Variants in EDC3 observed in about 807,000 individuals in gnomAD.
EDC3 encodes the protein enhancer of mRNA-decapping protein 3.
A neutral mutation model predicts 41.8 loss-of-function variants in EDC3; 20 were observed. The ratio of observed to expected loss-of-function variants is 0.48; its 90% confidence interval spans 0.34 to 0.70. The LOEUF (loss-of-function observed/expected upper bound fraction) is 0.70. EDC3 is among the 30% of genes least tolerant of loss of function. EDC3 has a pLI of 0.01. For synonymous variants in EDC3, 206 were observed against 243.2 expected (o/e 0.85, Z 1.42); for missense variants, 444 against 636.8 (o/e 0.70, Z 3.26).
intron 1 of EDC3, among the ~76,000 whole-genome samples, chr15:74,679,008 TG>T (rs1232267087): frequency 6.7e-6 from 1 of 150,162 alleles, no homozygotes; most frequent in Non-Finnish European, 1.5e-5. Flanking sequence ...CTGGCCAACA[TG>T]GTGAAACCCC....
At chr15:74,633,460 T>TA (rs955458230) in intron 6 of EDC3, among the ~76,000 whole-genome samples, 13 of 152,236 alleles carry the variant, frequency 8.5e-5, no homozygotes, top group African/African-American at 3.1e-4. Flanking sequence ...CTACTCATTC[T>TA]ACTCTAGCAA....
intron 3 of EDC3, among the ~76,000 whole-genome samples, chr15:74,669,331 G>A (rs1175637862): frequency 3.9e-4 from 51 of 132,360 alleles, no homozygotes; most frequent in Non-Finnish European, 5.0e-4. Context: ...CAATAAGAGC[G>A]AAACTCTGTC....
chr15:74,664,117 G>C (rs947096602), intron 3 of EDC3, among the ~76,000 whole-genome samples: 9 of 152,110 alleles, frequency 5.9e-5, no homozygotes, highest in African/African-American at 9.7e-5. Flanking sequence ...TTTCCCAAGA[G>C]GAAATACTGA....
At chr15:74,663,325 A>C (rs2062641982) in intron 3 of EDC3, among the ~76,000 whole-genome samples, 1 of 151,866 alleles carries the variant, frequency 6.6e-6, no homozygotes, top group Non-Finnish European at 1.5e-5. Flanking sequence ...AAATGTAAAG[A>C]AAAAGAAAAA....
At chr15:74,647,665 T>G (rs1416599032) in intron 4 of EDC3, among the ~76,000 whole-genome samples, 2 of 152,152 alleles carry the variant, frequency 1.3e-5, no homozygotes, top group Non-Finnish European at 2.9e-5. Flanking sequence ...GCCCAGGAAC[T>G]CTGAAGGATT....
intron 4 of EDC3, among the ~76,000 whole-genome samples, chr15:74,646,498 T>A (rs745700226): frequency 7.9e-5 from 12 of 152,180 alleles, no homozygotes; most frequent in Non-Finnish European, 1.8e-4. Flanking sequence ...AATCAGGAGC[T>A]ACAGGTAGGA....
intron 1 of EDC3, among the ~76,000 whole-genome samples, chr15:74,688,166 A>G (rs2062960842): frequency 6.6e-6 from 1 of 152,224 alleles, no homozygotes; most frequent in Non-Finnish European, 1.5e-5. Context: ...TATAAAGAAA[A>G]TTATGCTATT....
intron 2 of EDC3, among the ~76,000 whole-genome samples, chr15:74,672,086 C>T (rs2062745545): frequency 6.7e-6 from 1 of 148,288 alleles, no homozygotes; most frequent in South Asian, 2.1e-4. Flanking sequence ...ACGGTGAAAC[C>T]CCGTCTCTAC....
intron 1 of EDC3, among the ~76,000 whole-genome samples, chr15:74,678,543 T>C (rs529899232): frequency 2.0e-5 from 3 of 152,332 alleles, no homozygotes; most frequent in East Asian, 3.8e-4. Flanking sequence ...GTTAATTTTA[T>C]CCAACATTTT....
intron 4 of EDC3, chr15:74,645,538 T>G (rs1159653015): frequency 7.1e-6 from 1 of 141,422 alleles, no homozygotes; most frequent in African/African-American, 2.6e-5. Flanking sequence ...TTCTGTAAGT[T>G]TGAAATTTTT....
At chr15:74,644,024 C>G (rs1403226370) in intron 4 of EDC3, 4 of 142,078 alleles carry the variant, frequency 2.8e-5, no homozygotes, top group Admixed American at 7.5e-5. Context: ...CAGCAATGTA[C>G]AGAGTCCCTG....
At chr15:74,677,425 G>A (rs769265477) in intron 1 of EDC3, among the ~76,000 whole-genome samples, 2 of 147,318 alleles carry the variant, frequency 1.4e-5, no homozygotes, top group African/African-American at 2.5e-5. Flanking sequence ...CTAGAGTGCA[G>A]TGGTACAATC....
intron 1 of EDC3, among the ~76,000 whole-genome samples, chr15:74,680,098 T>C (rs896953773): frequency 1.3e-5 from 2 of 151,038 alleles, no homozygotes; most frequent in African/African-American, 4.9e-5. Flanking sequence ...CTGTCTCTAC[T>C]AAAAATACAA....
intron 3 of EDC3, among the ~76,000 whole-genome samples, chr15:74,670,791 G>A (rs1027820608): frequency 9.9e-5 from 15 of 152,108 alleles, no homozygotes; most frequent in African/African-American, 3.6e-4. Flanking sequence ...AAACAAAACT[G>A]GGCAGCAACA....
At chr15:74,646,820 AG>A (rs1306740245) in intron 4 of EDC3, among the ~76,000 whole-genome samples, 1 of 152,180 alleles carries the variant, frequency 6.6e-6, no homozygotes, top group Non-Finnish European at 1.5e-5. Flanking sequence ...GACATAGGGA[AG>A]CTATAGGATA....
intron 4 of EDC3, among the ~76,000 whole-genome samples, chr15:74,651,125 C>CA (rs1415742921): frequency 6.6e-6 from 1 of 152,240 alleles, no homozygotes; most frequent in East Asian, 1.9e-4. Flanking sequence ...CCACTGAACA[C>CA]AGAGTGCTCA....
At chr15:74,674,801 G>C (rs2062783253) in intron 2 of EDC3, 160 bp downstream of exon 2, 1 of 784,038 alleles carries the variant, frequency 1.3e-6, no homozygotes, top group Non-Finnish European at 2.0e-6. Context: ...GATTACTTGA[G>C]GCCAGTAGTT....
rs544593359 is a variant in EDC3, at chr15:74,649,314, A to C, written c.820+6419T>G. On this transcript the variant is annotated intron_variant, in intron 4 of 6. Transcript: ENST00000315127. ...ATTTTTTATTTTTATTTTTTTGTAG[A>C]GATGGGGTCTCATTATGTTGCTTAG... 1.4e-3 allele frequency among the ~76,000 whole-genome samples: 205 copies of C among 151,754 alleles called. 2 individuals are homozygous for C. Among genetic ancestry groups the C allele is most frequent in the African/African-American group, 4.4e-3 (182 of 41,366 alleles).
intron 3 of EDC3, among the ~76,000 whole-genome samples, chr15:74,658,245 C>T (rs80184932): frequency 0.024 from 3,645 of 152,216 alleles, 152 homozygotes; most frequent in African/African-American, 0.083. Flanking sequence ...ACTCAAGTCA[C>T]GGTTAGAATG....
Sources: allele counts gnomAD v4.1 joint callset (sites outside exome capture counted in the v4.1 genomes callset), GRCh38; gene constraint gnomAD v4.1.1; transcripts MANE v1.5; gene names NCBI Gene and HGNC (gene_info 2026-07-23, HGNC 2026-07-21).